Variants in KMT2B observed in about 807,000 individuals in gnomAD.
The protein encoded by KMT2B is histone-lysine N-methyltransferase 2B.
In KMT2B, 22 loss-of-function variants were observed where a neutral mutation model predicts 255.3. The ratio of observed to expected loss-of-function variants is 0.09; its 90% confidence interval spans 0.06 to 0.12. The LOEUF (loss-of-function observed/expected upper bound fraction) is 0.12, where lower values mean the gene tolerates loss of function less well. Among genes scored for constraint, KMT2B ranks in the 10% least tolerant of loss-of-function variants. The probability of loss-of-function intolerance (pLI) is 1.00; values close to 1 mark genes in which losing one functional copy is unlikely to be tolerated. For missense variants in KMT2B, 3,149 were observed against 3,737.0 expected, an observed-to-expected ratio of 0.84 and a Z score of 4.10; for synonymous variants, 1,730 against 1,498.1, an observed-to-expected ratio of 1.15 and a Z score of -3.57.
chr19:35,731,015 C>A, intron 26 of KMT2B, 148 bp downstream of exon 26: 1 of 951,842 alleles, frequency 1.1e-6, no homozygotes, highest in South Asian at 1.8e-5. Flanking sequence ...TACTGCCATG[C>A]CTTGTGTGCC....
At chr19:35,728,695 G>C (rs1008795637) in intron 19 of KMT2B, 79 bp from the exon 20 acceptor site, 2 of 1,053,582 alleles carry the variant, frequency 1.9e-6, no homozygotes, top group African/African-American at 3.1e-5. Context: ...GTCATGGCGA[G>C]TTCAGGCTGG....
Position 35,720,156 on chromosome 19 carries a change from A to C in KMT2B, c.809A>C (p.Glu270Ala). 1 of 1,601,084 alleles carries C rather than the reference A, an allele frequency of 6.2e-7. No homozygotes were observed. The highest frequency in any genetic ancestry group is 8.5e-7 in the Non-Finnish European group (1 of 1,174,298). ...KHQTGSWKCK[E>A]GPGPGPGTPR... ...CAGACTGGCAGCTGGAAATGCAAGG[A>C]GGGGCCCGGTCCAGGACCTGGGACC... is the stretch of plus-strand genomic sequence containing the variant. Residue 270 changes from glutamate (E) to alanine (A), a missense_variant, in exon 3 of 37, where the codon GAG becomes GCG. By Grantham distance (107) the Glu-to-Ala change is moderately radical. Transcript: ENST00000420124.
At position 35,721,392 on chromosome 19, in the gene KMT2B, C is replaced by T; in HGVS notation, c.2045C>T (p.Pro682Leu). ...CCTGAAGCCCCTGAGCCAGAGCCTC[C>T]TCCTGCCGATGACTCTCCAGCTGAG... ...GAPEAPEPEP[P>L]PADDSPAEPE... The change falls in exon 3 of 37, where the codon CCT becomes CTT. Residue 682 changes from proline (P) to leucine (L), a missense_variant. By Grantham distance (98) the Pro-to-Leu change is moderately conservative. Transcript: ENST00000420124. The T allele has an allele frequency of 1.2e-6, 2 of 1,607,630 alleles. No homozygotes were observed. Among genetic ancestry groups the T allele is most frequent in the Non-Finnish European group, 1.7e-6 (2 of 1,177,960 alleles).
rs1969180714 is a variant in KMT2B at position 35,721,125 on chromosome 19, C to T, written c.1778C>T (p.Pro593Leu). ...PPRAPTPPST[P>L]VPLPEKRRSI... ...CGTGCCCCAACTCCTCCATCTACCC[C>T]AGTTCCACTCCCTGAGAAGAGACGG... Residue 593 changes from proline to leucine, a missense_variant, in exon 3 of 37, where the codon CCA (proline) becomes CTA (leucine). Physicochemically the swap from Pro to Leu is moderately conservative, Grantham distance 98. Transcript: ENST00000420124. The T allele has an allele frequency of 6.2e-7, 1 of 1,608,728 alleles. No individual in the cohort carries two copies. The highest frequency in any genetic ancestry group is 1.7e-4 in the Middle Eastern group (1 of 6,060).
Position 35,721,420 on chromosome 19 carries a change from T to C in KMT2B, c.2073T>C (p.Pro691=). The change falls in exon 3 of 37, where the codon CCT becomes CCC. Residue 691 remains proline (P), a synonymous_variant. Coordinates refer to ENST00000420124, the MANE Select transcript of KMT2B (RefSeq NM_014727.3). ...PPPADDSPAE[P]EPRAVGRTNH... ...CTGCCGATGACTCTCCAGCTGAGCCTGAGCCTCGGGCAGTGGGCCGCACCA... is the reference window on the plus strand; with the variant it reads ...CTGCCGATGACTCTCCAGCTGAGCCCGAGCCTCGGGCAGTGGGCCGCACCA... 3.1e-6 allele frequency: 5 copies of C among 1,611,590 alleles called. No individual in the cohort carries two copies. The highest frequency in any genetic ancestry group is 1.7e-6 in the Non-Finnish European group (2 of 1,179,512).
chr19:35,724,673 C>G lies in KMT2B; in HGVS notation c.3371C>G (p.Pro1124Arg). The G allele has an allele frequency of 5.0e-6, 8 of 1,603,174 alleles. No homozygotes were observed. Among genetic ancestry groups the G allele is most frequent in the Non-Finnish European group, 6.8e-6 (8 of 1,175,310 alleles). ...CCAGAACCTGAGGAGCAGAGCCGGCCCCGCAAACCTACCCTGCAGCCTGTG... is the reference window on the plus strand; with the variant it reads ...CCAGAACCTGAGGAGCAGAGCCGGCGCCGCAAACCTACCCTGCAGCCTGTG... ...PLPEPEEQSRPRKPTLQPVLQ... is the reference protein window; with the variant it reads ...PLPEPEEQSRRRKPTLQPVLQ... Residue 1124 changes from proline to arginine, a missense_variant, in exon 9 of 37, where the codon CCC becomes CGC. Coordinates refer to ENST00000420124, the MANE Select transcript of KMT2B (RefSeq NM_014727.3).
In KMT2B at chr19:35,732,732, G is replaced by A. The variant is rs371655677; in HGVS notation, c.6183G>A (p.Leu2061=). The change falls in exon 28 of 37, where the codon CTG becomes CTA. Residue 2061 remains leucine (L), a synonymous_variant. Coordinates refer to ENST00000420124, the MANE Select transcript of KMT2B (RefSeq NM_014727.3). ...CTGGAGCCCCCCGCATTGAACAGCT[G>A]GACGGCGTGGACGACGGCACTGACA... is the stretch of plus-strand genomic sequence containing the variant. ...ATPGAPRIEQ[L]DGVDDGTDSE... 2 of 1,610,352 alleles carry A rather than the reference G, an allele frequency of 1.2e-6. No homozygotes were observed. The highest frequency in any genetic ancestry group is 1.7e-6 in the Non-Finnish European group (2 of 1,178,728).
Position 35,719,932 on chromosome 19 carries a change from A to C in KMT2B, c.585A>C (p.Glu195Asp), listed in dbSNP as rs767416255. The part of the protein sequence containing the change: ...GTERMVQALT[E>D]LLRRAQAPQA... ...AACGGATGGTGCAGGCACTGACTGA[A>C]CTTCTCCGGCGGGCCCAGGCACCCC... is the stretch of plus-strand genomic sequence containing the variant. The change falls in exon 3 of 37, where the codon GAA becomes GAC. Residue 195 changes from glutamate to aspartate, a missense_variant. Physicochemically the swap from Glu to Asp is conservative, Grantham distance 45. Coordinates refer to ENST00000420124, the MANE Select transcript of KMT2B (RefSeq NM_014727.3). The C allele has an allele frequency of 3.1e-6, 5 of 1,613,084 alleles. No homozygotes were observed. Among genetic ancestry groups the C allele is most frequent in the Non-Finnish European group, 3.4e-6 (4 of 1,179,798 alleles).
Position 35,723,545 on chromosome 19 carries a change from A to C in KMT2B, c.3058+43A>C. On this transcript the variant is annotated intron_variant, in intron 7 of 36. Coordinates refer to ENST00000420124, the MANE Select transcript of KMT2B (RefSeq NM_014727.3). The surrounding 1 kb of genome is among the most constrained non-coding windows in gnomAD (Gnocchi z 7.5). ...GCATTTCTTCTCAAAACCGTGTTAGAGTTTGTGCTGTGGAGGGAGCTGTTT... is the reference window on the plus strand; with the variant it reads ...GCATTTCTTCTCAAAACCGTGTTAGCGTTTGTGCTGTGGAGGGAGCTGTTT... 1.3e-6 allele frequency: 2 copies of C among 1,530,430 alleles called. No homozygotes were observed. The highest frequency in any genetic ancestry group is 1.8e-6 in the Non-Finnish European group (2 of 1,131,630). 94.8% of individuals were successfully genotyped at this position (1,530,430 alleles called of 1,614,324 possible). A position where few individuals can be genotyped will look rare whatever the true frequency, so the allele number is the denominator to read the frequency against.
At chr19:35,729,940 T>C in intron 22 of KMT2B, 27 bp from the exon 23 acceptor site, 1 of 1,602,472 alleles carries the variant, frequency 6.2e-7, no homozygotes, top group Non-Finnish European at 8.5e-7. Flanking sequence ...CCCTGGCTTC[T>C]CCCCTGAGCT....
intron 30 of KMT2B, chr19:35,735,714 G>C (rs1232004731): frequency 6.6e-6 from 1 of 152,218 alleles, no homozygotes; most frequent in African/African-American, 2.4e-5. Context: ...CTCAAAGTCA[G>C]CCTGTCCCAA....
intron 22 of KMT2B, 134 bp from the exon 23 acceptor site, chr19:35,729,833 T>C (rs1969620824): frequency 1.2e-6 from 1 of 822,810 alleles, no homozygotes; most frequent in Non-Finnish European, 1.9e-6. Context: ...TGGATGCGGC[T>C]GGGGAGAGGC....
At chr19:35,722,274 A>T in intron 3 of KMT2B, 85 bp from the exon 4 acceptor site, 1 of 1,378,190 alleles carries the variant, frequency 7.3e-7, no homozygotes, top group Non-Finnish European at 9.8e-7. Context: ...AAGTGCTGGG[A>T]TTACAGGCAT....
chr19:35,725,781 G>A lies in KMT2B; in HGVS notation c.3848G>A (p.Ser1283Asn). 1.0e-5 allele frequency: 16 copies of A among 1,596,860 alleles called. No homozygotes were observed. Among genetic ancestry groups the A allele is most frequent in the Non-Finnish European group, 1.4e-5 (16 of 1,172,282 alleles). The change falls in exon 13 of 37, where the codon AGC becomes AAC. Residue 1283 changes from serine (S) to asparagine (N), a missense_variant. This residue lies in a region of KMT2B where 377 missense variants were observed against 471.0 expected (regional missense o/e 0.80). Coordinates refer to ENST00000420124, the MANE Select transcript of KMT2B (RefSeq NM_014727.3). This position sits in a 1 kb window ranked among gnomAD's most constrained non-coding sequence, Gnocchi z 4.1. ...HAYHPACLGP[S>N]YPTRATRKRR... ...TACCACCCGGCCTGTCTGGGGCCCA[G>A]CTATCCAACCCGGGCCACGCGCAAA...
At chr19:35,728,947 T>G in intron 20 of KMT2B, 38 bp from the exon 21 acceptor site, 1 of 1,612,690 alleles carries the variant, frequency 6.2e-7, no homozygotes, top group Non-Finnish European at 8.5e-7. Flanking sequence ...TGGCTCCGGG[T>G]CCTGATTCTT....
In KMT2B at chr19:35,721,218, C is replaced by A; in HGVS notation, c.1871C>A (p.Ala624Asp). Reference protein sequence around the residue: ...LTRELPPPPPAPPPPPAPSPP... With the variant: ...LTRELPPPPPDPPPPPAPSPP... The stretch of plus-strand genomic sequence containing the variant: ...CGGGAGCTGCCCCCTCCTCCCCCAG[C>A]CCCTCCACCTCCCCCGGCCCCCTCC... Residue 624 changes from alanine to aspartate, a missense_variant, in exon 3 of 37, where the codon GCC (alanine) becomes GAC (aspartate). Coordinates refer to ENST00000420124, the MANE Select transcript of KMT2B (RefSeq NM_014727.3). 2 of 1,446,792 alleles carry A rather than the reference C, an allele frequency of 1.4e-6. No individual in the cohort carries two copies. Among genetic ancestry groups the A allele is most frequent in the Non-Finnish European group, 1.9e-6 (2 of 1,069,524 alleles). 89.6% of individuals were successfully genotyped at this position (1,446,792 alleles called of 1,614,324 possible). A position where few individuals can be genotyped will look rare whatever the true frequency, so the allele number is the denominator to read the frequency against.
intron 5 of KMT2B, 91 bp downstream of exon 5, chr19:35,722,809 A>AGTCAGGTGCTCAGGGGT (rs1969275019): frequency 6.7e-7 from 1 of 1,491,294 alleles, no homozygotes; most frequent in Admixed American, 2.3e-5. Context: ...GAGGGAGCCA[A>AGTCAGGTGCTCAGGGGT]GTCAGGTGCT....
chr19:35,727,049 C>A lies in KMT2B; in HGVS notation c.4004-107C>A. ...TTTAGGGACTAGTAGGGGCCCAAAACAGGGGCATAGTGGAGGCAGCTAAGG... is the reference window on the plus strand; with the variant it reads ...TTTAGGGACTAGTAGGGGCCCAAAAAAGGGGCATAGTGGAGGCAGCTAAGG... On this transcript the variant is annotated intron_variant, in intron 14 of 36. Transcript: ENST00000420124. This position sits in a 1 kb window ranked among gnomAD's most constrained non-coding sequence, Gnocchi z 4.2. 24 of 555,630 alleles carry A rather than the reference C, an allele frequency of 4.3e-5. No homozygotes were observed. Among genetic ancestry groups the A allele is most frequent in the Admixed American group, 6.2e-5 (2 of 32,208 alleles). The allele number at this position is 555,630 out of a possible 1,614,324, so 34.4% of individuals were successfully genotyped here.
chr19:35,731,271 C>T (rs1185643830), intron 26 of KMT2B, among the ~76,000 whole-genome samples: 1 of 152,246 alleles, frequency 6.6e-6, no homozygotes, highest in African/African-American at 2.4e-5. Context: ...GCTCCCAAAC[C>T]GGCCCCCTTA....
Sources: allele counts gnomAD v4.1 joint callset (sites outside exome capture counted in the v4.1 genomes callset), GRCh38; gene constraint gnomAD v4.1.1; regional missense constraint gnomAD v4.1.1; non-coding constraint Gnocchi (gnomAD v3.1); transcripts MANE v1.5; gene names NCBI Gene and HGNC (gene_info 2026-07-23, HGNC 2026-07-21).